Variants in PDE4D observed in about 807,000 individuals in gnomAD.
PDE4D encodes 3',5'-cyclic-AMP phosphodiesterase 4D.
Under a neutral mutation model 87.4 loss-of-function variants are expected in PDE4D, and 24 were observed. The observed-to-expected ratio is 0.27, with a 90% CI of 0.20 to 0.39. PDE4D has a LOEUF of 0.39. PDE4D is among the 10% of genes least tolerant of loss of function. PDE4D has a pLI of 1.00. For synonymous variants in PDE4D, 384 were observed against 383.2 expected (o/e 1.00, Z -0.02); for missense variants, 714 against 1,041.0 (o/e 0.69, Z 4.32).
chr5:58,976,374 A>G lies in PDE4D; in HGVS notation c.1806T>C (p.Leu602=), dbSNP rs1354420524. 2 of 1,610,608 alleles carry G rather than the reference A, an allele frequency of 1.2e-6. No individual in the cohort carries two copies. The highest frequency in any genetic ancestry group is 1.7e-6 in the Non-Finnish European group (2 of 1,178,570). Residue 602 remains leucine, a synonymous_variant, in exon 13 of 15, where the codon CTT becomes CTC. Coordinates refer to ENST00000340635, the MANE Select transcript of PDE4D (RefSeq NM_001104631.2). ...KKVTSSGVLL[L]DNYSDRIQVL... is the part of the protein sequence containing the mutation. ...CCTGAATCCTATCGGAATAATTATC[A>G]AGAAGAAGAACTCCAGAGCTTGTCA...
At chr5:60,134,622 G>A (rs1779873901) in intron 2 of PDE4D, among the ~76,000 whole-genome samples, 1 of 152,186 alleles carries the variant, frequency 6.6e-6, no homozygotes, top group African/African-American at 2.4e-5. Flanking sequence ...GCCCCTGATA[G>A]GAAATGGCAT....
At chr5:60,317,073 T>C (rs1031128850) in intron 1 of PDE4D, among the ~76,000 whole-genome samples, 5 of 152,230 alleles carry the variant, frequency 3.3e-5, no homozygotes, top group African/African-American at 1.2e-4. Flanking sequence ...TACCAGCTCC[T>C]CCTTGTACCT....
At chr5:59,008,175 T>A (rs1752025869) in intron 6 of PDE4D, among the ~76,000 whole-genome samples, 1 of 152,026 alleles carries the variant, frequency 6.6e-6, no homozygotes, top group Non-Finnish European at 1.5e-5. Flanking sequence ...AAACTTCACA[T>A]AAATGAAGCC....
chr5:59,554,524 C>T (rs1257896015), intron 1 of PDE4D, among the ~76,000 whole-genome samples: 2 of 152,100 alleles, frequency 1.3e-5, no homozygotes, highest in African/African-American at 4.8e-5. Context: ...AGAAAGATGG[C>T]TAAATTTGGC....
At chr5:59,538,487 G>A (rs1471962305) in intron 1 of PDE4D, among the ~76,000 whole-genome samples, 8 of 131,418 alleles carry the variant, frequency 6.1e-5, no homozygotes, top group African/African-American at 2.2e-4. Flanking sequence ...CCTGTTCCTC[G>A]CTGTCACACA....
intron 1 of PDE4D, among the ~76,000 whole-genome samples, chr5:60,438,285 A>C (rs1244319918): frequency 1.3e-5 from 2 of 152,116 alleles, no homozygotes; most frequent in East Asian, 3.9e-4. Flanking sequence ...GATGAGAAAG[A>C]AGCAGGGAGA....
intron 1 of PDE4D, among the ~76,000 whole-genome samples, chr5:60,303,837 C>T (rs2149797922): frequency 6.6e-6 from 1 of 152,218 alleles, no homozygotes; most frequent in South Asian, 2.1e-4. Context: ...AGTTCAGGTT[C>T]TGAATATCTT....
intron 1 of PDE4D, among the ~76,000 whole-genome samples, chr5:60,487,393 TA>T (rs1201923167): frequency 6.6e-6 from 1 of 152,222 alleles, no homozygotes; most frequent in Non-Finnish European, 1.5e-5. Flanking sequence ...TTTGTTCATA[TA>T]AAAATGTTTT....
At chr5:60,176,898 C>G (rs1469024228) in intron 2 of PDE4D, among the ~76,000 whole-genome samples, 1 of 152,028 alleles carries the variant, frequency 6.6e-6, no homozygotes, top group Non-Finnish European at 1.5e-5. Flanking sequence ...TTTCTCCTGG[C>G]TTTCCTGGAG....
intron 1 of PDE4D, among the ~76,000 whole-genome samples, chr5:59,569,423 A>G (rs1821453275): frequency 1.3e-5 from 2 of 152,222 alleles, no homozygotes; most frequent in Admixed American, 1.3e-4. Flanking sequence ...ATACAAAAAA[A>G]CCACAAGGCA....
intron 1 of PDE4D, among the ~76,000 whole-genome samples, chr5:59,720,768 C>T (rs1755712043): frequency 6.6e-6 from 1 of 152,050 alleles, no homozygotes; most frequent in Non-Finnish European, 1.5e-5. Flanking sequence ...AGGGCTAAGC[C>T]AAGTGCTGAA....
intron 1 of PDE4D, among the ~76,000 whole-genome samples, chr5:59,610,134 G>A (rs1196679755): frequency 6.6e-6 from 1 of 152,168 alleles, no homozygotes; most frequent in Non-Finnish European, 1.5e-5. Context: ...CATGGGTCAA[G>A]GTCACTGGTA....
chr5:59,553,171 G>A (rs944232645), intron 1 of PDE4D, among the ~76,000 whole-genome samples: 1 of 152,034 alleles, frequency 6.6e-6, no homozygotes, highest in Admixed American at 6.6e-5. Context: ...AATCAGGATT[G>A]TCTCTCTCCC....
rs1580711256 is a variant in PDE4D at position 59,083,798 on chromosome 5, G to GT, written c.809-44828dup. On this transcript the variant is annotated intron_variant, in intron 5 of 14. Transcript: ENST00000340635. The stretch of plus-strand genomic sequence containing the variant: ...TAGTTCCTTTTTGTTTAGGCTACTG[G>GT]TTTTTTTGTTTGGTTTGGTTTTTTG... Among the ~76,000 whole-genome samples the GT allele has an allele frequency of 2.0e-5, 3 of 151,974 alleles. No homozygotes were observed. The South Asian group carries it at 6.2e-4, about 32-fold the overall frequency.
chr5:60,020,503 T>C (rs1276488407), intron 2 of PDE4D, among the ~76,000 whole-genome samples: 1 of 151,984 alleles, frequency 6.6e-6, no homozygotes, highest in Non-Finnish European at 1.5e-5. Flanking sequence ...TATACACACA[T>C]ACACACACAA....
chr5:60,283,588 T>C (rs1210648013), intron 1 of PDE4D, among the ~76,000 whole-genome samples: 1 of 152,186 alleles, frequency 6.6e-6, no homozygotes, highest in African/African-American at 2.4e-5. Flanking sequence ...AAGAAGCAGA[T>C]TGTACTAATT....
intron 1 of PDE4D, among the ~76,000 whole-genome samples, chr5:59,385,584 C>A (rs902394164): frequency 6.6e-6 from 1 of 152,048 alleles, no homozygotes; most frequent in Non-Finnish European, 1.5e-5. Context: ...AATGCACTGC[C>A]CAGAATCCCC....
intron 1 of PDE4D, among the ~76,000 whole-genome samples, chr5:59,510,724 C>G (rs1810146591): frequency 6.6e-6 from 1 of 151,886 alleles, no homozygotes; most frequent in South Asian, 2.1e-4. Context: ...TATATGGAAA[C>G]AGCAGGAAAA....
chr5:60,317,812 T>C (rs1380669326), intron 1 of PDE4D, among the ~76,000 whole-genome samples: 1 of 152,242 alleles, frequency 6.6e-6, no homozygotes, highest in Non-Finnish European at 1.5e-5. Flanking sequence ...GTGAGTTTCT[T>C]AATCCTGAGT....
Sources: gnomAD v4.1 joint callset for allele counts (sites outside exome capture counted in the v4.1 genomes callset) on GRCh38, gnomAD v4.1.1 for gene constraint, MANE v1.5 for transcripts, NCBI Gene and HGNC (gene_info 2026-07-23, HGNC 2026-07-21) for gene names.